The following ARHGAP44 variants were observed in gnomAD, a reference collection of about 807,000 sequenced individuals.
ARHGAP44 encodes the protein Rho GTPase activating protein 44, also known as rho GTPase-activating protein 44.
Under a neutral mutation model 106.8 loss-of-function variants are expected in ARHGAP44, and 43 were observed. The ratio of observed to expected loss-of-function variants is 0.40; its 90% confidence interval spans 0.32 to 0.52. The LOEUF (loss-of-function observed/expected upper bound fraction) is 0.52. Ranked by LOEUF, ARHGAP44 falls within the 20% of genes least tolerant of loss-of-function variation. The probability of loss-of-function intolerance (pLI) is 0.48; values close to 1 mark genes in which losing one functional copy is unlikely to be tolerated. For synonymous variants in ARHGAP44, 439 were observed against 410.3 expected (o/e 1.07, Z -0.85); for missense variants, 866 against 1,050.5 (o/e 0.82, Z 2.43).
At chr17:12,936,370 C>T (rs1326192808) in intron 7 of ARHGAP44, among the ~76,000 whole-genome samples, 2 of 152,108 alleles carry the variant, frequency 1.3e-5, no homozygotes, top group Non-Finnish European at 2.9e-5. Context: ...CCCTGCTGAC[C>T]CTTGACAACC....
chr17:12,799,089 T>C (rs1350131316), intron 1 of ARHGAP44, among the ~76,000 whole-genome samples: 2 of 152,228 alleles, frequency 1.3e-5, no homozygotes, highest in Non-Finnish European at 2.9e-5. Context: ...CCCCGGTCAG[T>C]AATTAGATTT....
At chr17:12,848,121 C>T (rs1597932438) in intron 1 of ARHGAP44, among the ~76,000 whole-genome samples, 2 of 152,136 alleles carry the variant, frequency 1.3e-5, no homozygotes, top group South Asian at 4.1e-4. Context: ...ACTTAGAATG[C>T]GATGTTGAAT....
rs569067851 is a variant in ARHGAP44 at position 12,849,237 on chromosome 17, A to G, written c.54-45703A>G. On this transcript the variant is annotated intron_variant, in intron 1 of 20. Transcript: ENST00000379672. ...GGCGTGTGTGTGTGTGTGTGTGCGC[A>G]CACACACAGATTTTTCATATTCTGT... 6.4e-3 allele frequency among the ~76,000 whole-genome samples: 889 copies of G among 138,638 alleles called. 7 individuals carry two copies. Among genetic ancestry groups the G allele is most frequent in the African/African-American group, 0.024 (819 of 34,826 alleles). 91.0% of individuals were successfully genotyped at this position (138,638 alleles called of 152,430 possible).
intron 12 of ARHGAP44, among the ~76,000 whole-genome samples, chr17:12,950,440 G>C (rs2038965723): frequency 6.6e-6 from 1 of 152,214 alleles, no homozygotes; most frequent in South Asian, 2.1e-4. Context: ...AGTGTGTCGG[G>C]AAGAGTACAG....
chr17:12,872,091 A>G (rs1406238372), intron 1 of ARHGAP44, among the ~76,000 whole-genome samples: 1 of 152,152 alleles, frequency 6.6e-6, no homozygotes, highest in Non-Finnish European at 1.5e-5. Context: ...GGCCAAATGG[A>G]TTCTGTTTTC....
In ARHGAP44 at chr17:12,789,621, G is replaced by T; in HGVS notation, c.-218G>T. 1 of 325,470 alleles carries T rather than the reference G, an allele frequency of 3.1e-6. No homozygotes were observed. Among genetic ancestry groups the T allele is most frequent in the South Asian group, 1.4e-4 (1 of 6,980 alleles). 20.2% of individuals were successfully genotyped at this position (325,470 alleles called of 1,614,324 possible). On this transcript the variant is annotated 5_prime_UTR_variant, in exon 1 of 21. Coordinates refer to ENST00000379672, the MANE Select transcript of ARHGAP44 (RefSeq NM_014859.6). ...TGCTCTGCCCCGGGCATTGCGCGGC[G>T]CGCGTGAGGGGGATGCGGCAGGAGG...
Position 12,872,198 on chromosome 17 carries a change from G to A in ARHGAP44, c.54-22742G>A, listed in dbSNP as rs137964990. ...CATATTTTTTTGCCTGCAATTTTAT[G>A]GACTATCTTGTTTTTCCTGTCATGA... is the stretch of plus-strand genomic sequence containing the variant. On this transcript the variant is annotated intron_variant, in intron 1 of 20. Transcript: ENST00000379672. Among the ~76,000 whole-genome samples the A allele has an allele frequency of 4.4e-3, 672 of 152,100 alleles. 38 individuals are homozygous for A. In the South Asian group the frequency reaches 0.11, roughly 25 times the overall value.
chr17:12,984,652 G>A lies in ARHGAP44; in HGVS notation c.2061G>A (p.Pro687=), dbSNP rs746641609. 1.1e-4 allele frequency: 106 copies of A among 1,006,884 alleles called. No homozygotes were observed. Among genetic ancestry groups the A allele is most frequent in the South Asian group, 3.6e-4 (29 of 79,806 alleles). 62.4% of individuals were successfully genotyped at this position (1,006,884 alleles called of 1,614,324 possible). ...TGTCCCCCACCCCGCCCAGCACCCC[G>A]TCACCCTATGGACTGAGCTACCCTC... ...VSLSPTPPST[P]SPYGLSYPQG... Residue 687 remains proline, a synonymous_variant, in exon 20 of 21, where the codon CCG becomes CCA. Coordinates refer to ENST00000379672, the MANE Select transcript of ARHGAP44 (RefSeq NM_014859.6).
intron 3 of ARHGAP44, among the ~76,000 whole-genome samples, chr17:12,903,837 G>A (rs1052070985): frequency 2.0e-5 from 3 of 152,090 alleles, no homozygotes; most frequent in Non-Finnish European, 4.4e-5. Flanking sequence ...TGAAATGGGG[G>A]CGACCAAAGT....
intron 1 of ARHGAP44, among the ~76,000 whole-genome samples, chr17:12,791,210 C>G (rs1302500147): frequency 6.6e-6 from 1 of 152,096 alleles, no homozygotes; most frequent in Non-Finnish European, 1.5e-5. Flanking sequence ...TTCATTTTTC[C>G]TTCCCAAACA....
At position 12,984,578 on chromosome 17, in the gene ARHGAP44, C is replaced by T. The variant is rs1459281185; in HGVS notation, c.1987C>T (p.Pro663Ser). The T allele has an allele frequency of 1.3e-6, 2 of 1,576,034 alleles. No homozygotes were observed. The highest frequency in any genetic ancestry group is 1.8e-5 in the Admixed American group (1 of 55,262). ...PIPPKVPFGQ[P>S]GAMADQSAGQ... ...TCCACCCAAGGTCCCCTTTGGCCAG[C>T]CGGGGGCTATGGCAGACCAGTCCGC... The change falls in exon 20 of 21, where the codon CCG (proline) becomes TCG (serine). Residue 663 changes from proline (P) to serine (S), a missense_variant. This residue lies in a region of ARHGAP44 where 418 missense variants were observed against 403.6 expected (regional missense o/e 1.04). Transcript: ENST00000379672.
intron 20 of ARHGAP44, among the ~76,000 whole-genome samples, chr17:12,989,100 CCAAAAAA>C (rs2040035955): frequency 6.2e-5 from 2 of 32,032 alleles, no homozygotes; most frequent in East Asian, 5.2e-4. Flanking sequence ...TCCACCCCCC[CCAAAAAA>C]AAAAAAAAAA....
chr17:12,851,228 G>A (rs923658938), intron 1 of ARHGAP44, among the ~76,000 whole-genome samples: 5 of 152,276 alleles, frequency 3.3e-5, no homozygotes, highest in South Asian at 2.1e-4. Flanking sequence ...CATCTCCCAC[G>A]TGCAGTTGGC....
At chr17:12,823,481 T>G (rs571033707) in intron 1 of ARHGAP44, among the ~76,000 whole-genome samples, 2 of 152,288 alleles carry the variant, frequency 1.3e-5, no homozygotes, top group Admixed American at 6.5e-5. Flanking sequence ...GATCTTAACT[T>G]TTTGCTAAGA....
chr17:12,914,471 G>A (rs1377266530), intron 4 of ARHGAP44, among the ~76,000 whole-genome samples: 1 of 152,184 alleles, frequency 6.6e-6, no homozygotes, highest in Non-Finnish European at 1.5e-5. Flanking sequence ...AAAATGATCT[G>A]ATTCCGCATG....
intron 1 of ARHGAP44, among the ~76,000 whole-genome samples, chr17:12,820,243 A>T (rs960906948): frequency 6.6e-6 from 1 of 151,972 alleles, no homozygotes. Context: ...CATCTTTAAA[A>T]TTTTTTCTGA....
At chr17:12,974,384 G>A in intron 18 of ARHGAP44, 74 bp downstream of exon 18, 6 of 1,241,804 alleles carry the variant, frequency 4.8e-6, no homozygotes, top group Non-Finnish European at 6.2e-6. Context: ...CGCACTGGAG[G>A]CCTCTTGGAT....
At chr17:12,796,725 T>A (rs1189328966) in intron 1 of ARHGAP44, among the ~76,000 whole-genome samples, 1 of 151,912 alleles carries the variant, frequency 6.6e-6, no homozygotes, top group Non-Finnish European at 1.5e-5. Context: ...GCCTCCCAAG[T>A]AGCTGGGACT....
chr17:12,880,281 A>G (rs2036686042), intron 1 of ARHGAP44, among the ~76,000 whole-genome samples: 1 of 152,182 alleles, frequency 6.6e-6, no homozygotes, highest in South Asian at 2.1e-4. Flanking sequence ...ACGCAAATTT[A>G]GAACCAAAAC....
Sources: allele counts gnomAD v4.1 joint callset (sites outside exome capture counted in the v4.1 genomes callset), GRCh38; gene constraint gnomAD v4.1.1; regional missense constraint gnomAD v4.1.1; transcripts MANE v1.5; gene names NCBI Gene and HGNC (gene_info 2026-07-23, HGNC 2026-07-21).